MCTP1: variants seen among roughly 807,000 people sequenced by gnomAD.
The protein encoded by MCTP1 is multiple C2 and transmembrane domain-containing protein 1.
Under a neutral mutation model 120.6 loss-of-function variants are expected in MCTP1, and 69 were observed. The ratio of observed to expected loss-of-function variants is 0.57; its 90% CI spans 0.47 to 0.70. MCTP1 has a LOEUF of 0.70. MCTP1 is among the 30% of genes least tolerant of loss of function. The pLI is 0.00. For missense variants in MCTP1, 1,203 were observed against 1,248.8 expected, an observed-to-expected ratio of 0.96 and a Z score of 0.55; for synonymous variants, 529 against 493.1, an observed-to-expected ratio of 1.07 and a Z score of -0.96.
At chr5:94,904,548 ATAGCCTAC>A (rs1806317252) in intron 10 of MCTP1, among the ~76,000 whole-genome samples, 1 of 152,214 alleles carries the variant, frequency 6.6e-6, no homozygotes, top group South Asian at 2.1e-4. Flanking sequence ...TGGTAAATGT[ATAGCCTAC>A]TTTTCCCCCA....
intron 1 of MCTP1, among the ~76,000 whole-genome samples, chr5:95,021,220 C>T (rs978941506): frequency 6.6e-6 from 1 of 151,896 alleles, no homozygotes; most frequent in African/African-American, 2.4e-5. Context: ...TGAGCATTAA[C>T]GCATATAAGA....
chr5:95,278,441 G>A (rs1296432587), intron 1 of MCTP1, among the ~76,000 whole-genome samples: 1 of 152,094 alleles, frequency 6.6e-6, no homozygotes, highest in Non-Finnish European at 1.5e-5. Flanking sequence ...TTATACTCTA[G>A]TTTTATAAAA....
rs1049099639 is a variant in MCTP1 at position 94,713,658 on chromosome 5, C to T, written c.2720+1119G>A. 3.9e-5 allele frequency among the ~76,000 whole-genome samples: 6 copies of T among 152,138 alleles called. No individual in the cohort carries two copies. The East Asian group carries it at 7.8e-4, about 20-fold the overall frequency. On this transcript the variant is annotated intron_variant, in intron 20 of 22. Coordinates refer to ENST00000515393, the MANE Select transcript of MCTP1 (RefSeq NM_024717.7). ...GAGGAAGAAGGAGAGAGAAAAGATACGGGAATAGTCTTCTGAAATCCAAGA... is the reference window on the plus strand; with the variant it reads ...GAGGAAGAAGGAGAGAGAAAAGATATGGGAATAGTCTTCTGAAATCCAAGA...
chr5:95,225,056 CCA>C (rs141878676), intron 1 of MCTP1, among the ~76,000 whole-genome samples: 3,164 of 152,240 alleles, frequency 0.021, 55 homozygotes, highest in Middle Eastern at 0.034. Flanking sequence ...AACCAATCAA[CCA>C]CAGAGATTTT....
chr5:94,988,329 G>C (rs1000733064), intron 2 of MCTP1, among the ~76,000 whole-genome samples: 2 of 151,284 alleles, frequency 1.3e-5, no homozygotes, highest in Admixed American at 6.6e-5. Flanking sequence ...TTTCTGAGCT[G>C]ATTTACAAAG....
intron 2 of MCTP1, among the ~76,000 whole-genome samples, chr5:95,014,275 C>CAAA (rs140066265): frequency 1.6e-3 from 238 of 151,794 alleles, no homozygotes; most frequent in Middle Eastern, 6.8e-3. Context: ...ACAACAACAA[C>CAAA]AAAAAATCCA....
At chr5:94,887,902 T>C (rs780473812) in intron 12 of MCTP1, among the ~76,000 whole-genome samples, 2 of 152,200 alleles carry the variant, frequency 1.3e-5, no homozygotes, top group Non-Finnish European at 2.9e-5. Context: ...GTTGAATGAA[T>C]TAAAGAAGTG....
chr5:94,755,239 T>C (rs931650998), intron 19 of MCTP1, among the ~76,000 whole-genome samples: 4 of 152,150 alleles, frequency 2.6e-5, no homozygotes, highest in Non-Finnish European at 5.9e-5. Flanking sequence ...AGGGAGCTTC[T>C]TCCCTGACCC....
intron 17 of MCTP1, among the ~76,000 whole-genome samples, chr5:94,810,044 T>C (rs186991151): frequency 1.9e-3 from 282 of 152,294 alleles, no homozygotes; most frequent in South Asian, 6.4e-3. Context: ...TTTTTCATGA[T>C]AGTCTAATCA....
chr5:94,917,478 G>A (rs1161649235), intron 8 of MCTP1, among the ~76,000 whole-genome samples: 3 of 152,196 alleles, frequency 2.0e-5, no homozygotes, highest in East Asian at 1.9e-4. Context: ...CTGAAATTGC[G>A]TGATTCTCTG....
At chr5:94,796,804 G>A (rs546324459) in intron 18 of MCTP1, among the ~76,000 whole-genome samples, 233 of 151,962 alleles carry the variant, frequency 1.5e-3, no homozygotes, top group Middle Eastern at 3.4e-3. Context: ...TCTTAACTGA[G>A]CCAGTGAATA....
At chr5:95,044,744 CA>C (rs1385582184) in intron 1 of MCTP1, among the ~76,000 whole-genome samples, 6 of 151,978 alleles carry the variant, frequency 3.9e-5, no homozygotes, top group African/African-American at 1.5e-4. Context: ...TGAGACCCAT[CA>C]GAAGTGTACC....
intron 6 of MCTP1, 137 bp from the exon 7 acceptor site, chr5:94,924,158 A>G: frequency 2.2e-6 from 1 of 459,178 alleles, no homozygotes; most frequent in Non-Finnish European, 3.7e-6. Context: ...ATATTTAGAA[A>G]CTGTAAGTTT....
intron 3 of MCTP1, among the ~76,000 whole-genome samples, chr5:94,952,717 C>G (rs1325523608): frequency 6.6e-6 from 1 of 152,020 alleles, no homozygotes; most frequent in East Asian, 1.9e-4. Flanking sequence ...TTACATCAAA[C>G]GAGAGGAAAG....
At chr5:95,211,276 A>T (rs1254694878) in intron 1 of MCTP1, among the ~76,000 whole-genome samples, 1 of 152,150 alleles carries the variant, frequency 6.6e-6, no homozygotes, top group African/African-American at 2.4e-5. Context: ...GTGTTTTCCA[A>T]CTTGGTTCCA....
intron 1 of MCTP1, among the ~76,000 whole-genome samples, chr5:95,077,048 G>A (rs1167656994): frequency 6.6e-6 from 1 of 152,078 alleles, no homozygotes; most frequent in Non-Finnish European, 1.5e-5. Context: ...CCTTATTTTG[G>A]AAATGATCAC....
chr5:94,809,207 G>T (rs1011261333), intron 17 of MCTP1, among the ~76,000 whole-genome samples: 1 of 151,700 alleles, frequency 6.6e-6, no homozygotes, highest in African/African-American at 2.4e-5. Flanking sequence ...TATATCAATA[G>T]AACCTGCCAG....
intron 1 of MCTP1, among the ~76,000 whole-genome samples, chr5:95,235,054 A>G (rs1330426256): frequency 6.6e-6 from 1 of 152,094 alleles, no homozygotes; most frequent in Admixed American, 6.5e-5. Flanking sequence ...GCTCATGAGC[A>G]TAGATTCAAA....
chr5:94,817,955 C>T (rs539641838), intron 17 of MCTP1, among the ~76,000 whole-genome samples: 1 of 152,144 alleles, frequency 6.6e-6, no homozygotes, highest in Non-Finnish European at 1.5e-5. Context: ...GGACATTTGA[C>T]CCAGACCTGG....
Sources: gnomAD v4.1 joint callset for allele counts (sites outside exome capture counted in the v4.1 genomes callset) on GRCh38, gnomAD v4.1.1 for gene constraint, MANE v1.5 for transcripts, NCBI Gene and HGNC (gene_info 2026-07-23, HGNC 2026-07-21) for gene names.